The following MTMR12 variants were observed in gnomAD, a reference collection of about 807,000 sequenced individuals.
The protein encoded by MTMR12 is myotubularin related protein 12.
MTMR12 carries 33 observed loss-of-function variants against 96.7 expected under a neutral mutation model. The observed-to-expected ratio is 0.34, with a 90% CI of 0.26 to 0.46. MTMR12 has a LOEUF of 0.46. MTMR12 is among the 20% of genes least tolerant of loss of function. The pLI is 1.00. For missense variants in MTMR12, 721 were observed against 896.1 expected, an observed-to-expected ratio of 0.80 and a Z score of 2.49; for synonymous variants, 298 against 327.2, an observed-to-expected ratio of 0.91 and a Z score of 0.96.
At chr5:32,278,896 G>A (rs1750167749) in intron 1 of MTMR12, among the ~76,000 whole-genome samples, 1 of 150,646 alleles carries the variant, frequency 6.6e-6, no homozygotes, top group Admixed American at 6.6e-5. Flanking sequence ...TGACCAACAT[G>A]GAGAAACCCC....
chr5:32,257,843 T>C (rs1201306805), intron 7 of MTMR12, among the ~76,000 whole-genome samples: 1 of 152,020 alleles, frequency 6.6e-6, no homozygotes, highest in Non-Finnish European at 1.5e-5. Flanking sequence ...CACATTGTAA[T>C]ATCACCTGAG....
intron 1 of MTMR12, among the ~76,000 whole-genome samples, chr5:32,284,317 C>CAAAAAA (rs57597487): frequency 1.7e-4 from 8 of 47,192 alleles, no homozygotes; most frequent in Admixed American, 2.3e-4. Flanking sequence ...GACCCTGTCT[C>CAAAAAA]AAAAAAAAAA....
chr5:32,285,469 T>C (rs938489628), intron 1 of MTMR12, among the ~76,000 whole-genome samples: 1 of 152,140 alleles, frequency 6.6e-6, no homozygotes, highest in Non-Finnish European at 1.5e-5. Flanking sequence ...CCCGCCACTG[T>C]TAATTCCTTA....
chr5:32,257,215 C>T (rs1298854863), intron 7 of MTMR12, among the ~76,000 whole-genome samples: 2 of 152,180 alleles, frequency 1.3e-5, no homozygotes, highest in African/African-American at 4.8e-5. Flanking sequence ...CCTGTAGTCC[C>T]AGCTACTTGG....
chr5:32,297,101 TAA>T (rs762533446), intron 1 of MTMR12, among the ~76,000 whole-genome samples: 359 of 126,618 alleles, frequency 2.8e-3, no homozygotes, highest in African/African-American at 9.5e-3. Context: ...AGACTCCGTC[TAA>T]AAAAAAAAAA....
chr5:32,298,599 T>C (rs2112149053), intron 1 of MTMR12, among the ~76,000 whole-genome samples: 1 of 152,050 alleles, frequency 6.6e-6, no homozygotes, highest in East Asian at 1.9e-4. Context: ...GGTATGGCAG[T>C]CCTATAAGAG....
chr5:32,288,849 G>T (rs1490266702), intron 1 of MTMR12, among the ~76,000 whole-genome samples: 1 of 152,224 alleles, frequency 6.6e-6, no homozygotes, highest in Non-Finnish European at 1.5e-5. Context: ...GGCTTAGGGA[G>T]ATTGGGATGG....
At chr5:32,257,637 C>T (rs756038172) in intron 7 of MTMR12, among the ~76,000 whole-genome samples, 10 of 152,060 alleles carry the variant, frequency 6.6e-5, no homozygotes, top group East Asian at 1.9e-4. Context: ...GGCATGGTGG[C>T]GGGTGCCTGT....
chr5:32,295,755 A>G (rs1265421320), intron 1 of MTMR12, among the ~76,000 whole-genome samples: 2 of 152,250 alleles, frequency 1.3e-5, no homozygotes, highest in Non-Finnish European at 2.9e-5. Flanking sequence ...AAGGGTTTAA[A>G]TAATAAACCC....
At chr5:32,293,241 T>G (rs757790137) in intron 1 of MTMR12, among the ~76,000 whole-genome samples, 5 of 152,134 alleles carry the variant, frequency 3.3e-5, no homozygotes, top group African/African-American at 9.7e-5. Context: ...GGTGTGGTTG[T>G]GAGGGTGTTG....
intron 10 of MTMR12, among the ~76,000 whole-genome samples, chr5:32,246,481 T>C (rs951636310): frequency 2.1e-4 from 32 of 152,310 alleles, no homozygotes; most frequent in African/African-American, 7.2e-4. Flanking sequence ...CTCAACTTTA[T>C]CCTTTCAGTC....
At chr5:32,266,313 A>G (rs964946530) in intron 6 of MTMR12, among the ~76,000 whole-genome samples, 1 of 152,224 alleles carries the variant, frequency 6.6e-6, no homozygotes, top group Non-Finnish European at 1.5e-5. Context: ...CAGTCAATAC[A>G]TATTTACTAA....
At position 32,248,603 on chromosome 5, in the gene MTMR12, T is replaced by C. The variant is rs1211810182; in HGVS notation, c.896+169A>G. ...ACGCAGGTGACACTCTTAATTATTA[T>C]GTTATACTGACTCCTTTCAAATTAA... On this transcript the variant is annotated intron_variant, in intron 9 of 15. Coordinates refer to ENST00000382142, the MANE Select transcript of MTMR12 (RefSeq NM_001040446.3). 2.6e-5 allele frequency among the ~76,000 whole-genome samples: 4 copies of C among 152,230 alleles called. No individual in the cohort carries two copies. The East Asian group carries it at 5.8e-4, about 22-fold the overall frequency.
intron 1 of MTMR12, among the ~76,000 whole-genome samples, chr5:32,304,265 A>G (rs1280784050): frequency 1.3e-5 from 2 of 152,036 alleles, no homozygotes; most frequent in African/African-American, 2.4e-5. Context: ...GGTTGCAGTG[A>G]GCCAAGATCG....
At chr5:32,280,728 G>C (rs1391346259) in intron 1 of MTMR12, among the ~76,000 whole-genome samples, 1 of 152,146 alleles carries the variant, frequency 6.6e-6, no homozygotes, top group Non-Finnish European at 1.5e-5. Context: ...ATCCACAGAT[G>C]TGACTTTGGT....
At chr5:32,245,285 C>T (rs796527567) in intron 10 of MTMR12, among the ~76,000 whole-genome samples, 1 of 152,216 alleles carries the variant, frequency 6.6e-6, no homozygotes. Context: ...ATCCGCCCAC[C>T]TCGGCCTCCC....
rs143741902 is a variant in MTMR12 at position 32,312,766 on chromosome 5, G to A, written c.73C>T (p.Arg25Cys). 1.3e-6 allele frequency: 2 copies of A among 1,527,266 alleles called. No homozygotes were observed. Among genetic ancestry groups the A allele is most frequent in the Non-Finnish European group, 1.8e-6 (2 of 1,140,092 alleles). The allele number at this position is 1,527,266 out of a possible 1,614,324, so 94.6% of individuals were successfully genotyped here. A position where few individuals can be genotyped will look rare whatever the true frequency, so the allele number is the denominator to read the frequency against. Residue 25 changes from arginine to cysteine, a missense_variant, in exon 1 of 16, where the codon CGC becomes TGC. Arg to Cys is a radical substitution (Grantham distance 180). Transcript: ENST00000382142. The surrounding 1 kb of genome is among the most constrained non-coding windows in gnomAD (Gnocchi z 5.0). ...GCGCGGCGCCCCCTCACCTCAGGGC[G>A]TACGTACGACACGAAGGAGGGCTTG... ...APKPSFVSYV[R>C]PEEIHTNEKE...
rs1050226995 is a variant in MTMR12, at chr5:32,227,436, G to A, written c.*2342C>T. The stretch of plus-strand genomic sequence containing the variant: ...TACAAAAATTGTCATGACCTTACAC[G>A]TTACAACAGCTTATTTTTCTATTGT... On this transcript the variant is annotated 3_prime_UTR_variant, in exon 16 of 16. Transcript: ENST00000382142. The A allele has an allele frequency of 7.2e-5, 11 of 152,612 alleles. No individual in the cohort carries two copies. The South Asian group carries it at 1.0e-3, about 14-fold the overall frequency. 9.5% of individuals were successfully genotyped at this position (152,612 alleles called of 1,614,324 possible). A position where few individuals can be genotyped will look rare whatever the true frequency, so the allele number is the denominator to read the frequency against.
intron 6 of MTMR12, among the ~76,000 whole-genome samples, chr5:32,267,036 C>A (rs944222601): frequency 1.3e-5 from 2 of 151,460 alleles, no homozygotes; most frequent in Non-Finnish European, 2.9e-5. Flanking sequence ...GCCAAGATCA[C>A]GCCAGTGCAC....
Sources: gnomAD v4.1 joint callset for allele counts (sites outside exome capture counted in the v4.1 genomes callset) on GRCh38, gnomAD v4.1.1 for gene constraint, Gnocchi (gnomAD v3.1) non-coding constraint, MANE v1.5 for transcripts, NCBI Gene and HGNC (gene_info 2026-07-23, HGNC 2026-07-21) for gene names.